NBAS: variants seen among roughly 807,000 people sequenced by gnomAD.
NBAS encodes NBAS subunit of NRZ tethering complex, also known as NAG/BC035112 fusion.
NBAS carries 219 observed loss-of-function variants against 302.5 expected under a neutral mutation model. The ratio of observed to expected loss-of-function variants is 0.72; its 90% CI spans 0.65 to 0.81. NBAS has a LOEUF of 0.81. NBAS is among the 30% of genes least tolerant of loss of function. The pLI, the probability that NBAS is intolerant of heterozygous loss-of-function variation, is 0.00. For missense variants in NBAS, 2,932 were observed against 2,841.6 expected (o/e 1.03, Z -0.72); for synonymous variants, 1,118 against 1,021.6 (o/e 1.09, Z -1.80).
At chr2:15,482,400 G>A (rs1680465408) in intron 12 of NBAS, among the ~76,000 whole-genome samples, 1 of 152,174 alleles carries the variant, frequency 6.6e-6, no homozygotes, top group Admixed American at 6.5e-5. Context: ...TTACTGGAAT[G>A]AGCCACCGCA....
chr2:14,917,780 T>A, the NBAS span, among the ~76,000 whole-genome samples: 4 of 152,078 alleles, frequency 2.6e-5, no homozygotes, highest in African/African-American at 9.7e-5. Context: ...AAACACCACA[T>A]GTAGTAAAAG....
the NBAS span, among the ~76,000 whole-genome samples, chr2:15,126,430 C>T: frequency 3.3e-5 from 5 of 152,092 alleles, no homozygotes; most frequent in African/African-American, 1.2e-4. Context: ...GGGGAAGACA[C>T]AGGGAAGGGA....
the NBAS span, among the ~76,000 whole-genome samples, chr2:15,048,051 G>A: frequency 3.9e-5 from 6 of 152,100 alleles, no homozygotes; most frequent in Admixed American, 2.6e-4. Flanking sequence ...CTGCTGGGCC[G>A]AGAACTCCTG....
chr2:15,184,359 A>G (rs1043032464), intron 50 of NBAS, among the ~76,000 whole-genome samples: 29 of 152,078 alleles, frequency 1.9e-4, no homozygotes, highest in Admixed American at 1.6e-3. Context: ...TTCTATTAGT[A>G]TTACACTGTA....
intron 6 of NBAS, 48 bp downstream of exon 6, chr2:15,551,445 A>T (rs763949158): frequency 9.0e-7 from 1 of 1,113,906 alleles, no homozygotes; most frequent in African/African-American, 1.5e-5. Flanking sequence ...ATTGGAAACC[A>T]TTGCGCATTT....
chr2:14,823,995 G>A, the NBAS span, among the ~76,000 whole-genome samples: 42 of 152,320 alleles, frequency 2.8e-4, no homozygotes, highest in Non-Finnish European at 3.8e-4. Flanking sequence ...TCACCGTGAT[G>A]TCTGGGGCTA....
the NBAS span, among the ~76,000 whole-genome samples, chr2:14,890,198 T>A: frequency 1.1e-4 from 17 of 152,172 alleles, no homozygotes; most frequent in African/African-American, 4.1e-4. Flanking sequence ...AAAGAAAAAT[T>A]TATCCTTTAT....
chr2:15,212,904 C>A (rs1666483329), intron 48 of NBAS, among the ~76,000 whole-genome samples: 1 of 152,164 alleles, frequency 6.6e-6, no homozygotes, highest in African/African-American at 2.4e-5. Context: ...CAGTTGCGGG[C>A]AGCTCTTTAT....
chr2:15,407,155 A>G (rs1676455027), intron 25 of NBAS, among the ~76,000 whole-genome samples: 1 of 152,228 alleles, frequency 6.6e-6, no homozygotes, highest in African/African-American at 2.4e-5. Flanking sequence ...AGCTAGTGAG[A>G]CTAAGTAAGT....
intron 38 of NBAS, among the ~76,000 whole-genome samples, chr2:15,316,698 G>C (rs964695478): frequency 2.0e-5 from 3 of 152,212 alleles, no homozygotes; most frequent in African/African-American, 2.4e-5. Flanking sequence ...GCTGAGGCTT[G>C]AGTAGGTAAA....
chr2:15,350,526 T>C (rs766055361), intron 35 of NBAS, among the ~76,000 whole-genome samples: 1 of 152,168 alleles, frequency 6.6e-6, no homozygotes, highest in Non-Finnish European at 1.5e-5. Flanking sequence ...AAAAGTTAAA[T>C]TCCCTGGAGC....
intron 40 of NBAS, among the ~76,000 whole-genome samples, chr2:15,306,852 T>G (rs1233007718): frequency 1.3e-5 from 2 of 151,402 alleles, no homozygotes; most frequent in Middle Eastern, 3.4e-3. Flanking sequence ...AAAATACAAA[T>G]ACATGATTTG....
intron 9 of NBAS, among the ~76,000 whole-genome samples, chr2:15,513,631 AC>A (rs1316676893): frequency 4.6e-5 from 7 of 151,572 alleles, no homozygotes; most frequent in African/African-American, 1.7e-4. Context: ...GAACCCACAC[AC>A]ACATAATCAA....
intron 44 of NBAS, among the ~76,000 whole-genome samples, chr2:15,247,304 T>G (rs1668136382): frequency 6.6e-6 from 1 of 152,156 alleles, no homozygotes. Flanking sequence ...AAAGACCATC[T>G]ATGCTATGAG....
chr2:15,377,296 C>A (rs2148367069), intron 30 of NBAS, among the ~76,000 whole-genome samples: 1 of 152,232 alleles, frequency 6.6e-6, no homozygotes, highest in Non-Finnish European at 1.5e-5. Flanking sequence ...GTTCAACAGA[C>A]AAACACTGGA....
chr2:14,897,052 G>A, the NBAS span, among the ~76,000 whole-genome samples: 4 of 148,698 alleles, frequency 2.7e-5, no homozygotes, highest in Non-Finnish European at 6.0e-5. Context: ...CTAAAAGCCT[G>A]AGCCGTTCCT....
At chr2:15,215,701 T>C (rs944825923) in intron 48 of NBAS, among the ~76,000 whole-genome samples, 1 of 152,138 alleles carries the variant, frequency 6.6e-6, no homozygotes, top group African/African-American at 2.4e-5. Flanking sequence ...GAGTTTAATG[T>C]GTGTGAGAGA....
At chr2:14,923,762 G>GACCAC in the NBAS span, among the ~76,000 whole-genome samples, 1 of 152,130 alleles carries the variant, frequency 6.6e-6, no homozygotes, top group Non-Finnish European at 1.5e-5. Context: ...TTAGGCTGAG[G>GACCAC]TACCCCCACC....
chr2:15,531,024 C>T (rs780856735), intron 9 of NBAS, among the ~76,000 whole-genome samples: 11 of 152,048 alleles, frequency 7.2e-5, no homozygotes, highest in Non-Finnish European at 1.2e-4. Context: ...TAGAACAATA[C>T]CTTCAAAATT....
Sources: allele counts gnomAD v4.1 joint callset (sites outside exome capture counted in the v4.1 genomes callset), GRCh38; gene constraint gnomAD v4.1.1; transcripts MANE v1.5; gene names NCBI Gene and HGNC (gene_info 2026-07-23, HGNC 2026-07-21).